The following RAB27B variants were observed in gnomAD, a reference collection of about 807,000 sequenced individuals.
RAB27B encodes the protein RAB27B, member RAS oncogene family.
Under a neutral mutation model 24.6 loss-of-function variants are expected in RAB27B, and 15 were observed. The ratio of observed to expected loss-of-function variants is 0.61; its 90% CI spans 0.41 to 0.94. RAB27B has a LOEUF of 0.94. Ranked by LOEUF, RAB27B falls within the 40% of genes least tolerant of loss-of-function variation. RAB27B has a pLI of 0.00. For missense variants in RAB27B, 261 were observed against 266.8 expected (o/e 0.98, Z 0.15); for synonymous variants, 105 against 92.5 (o/e 1.14, Z -0.78).
rs138977269 is a variant in RAB27B at position 54,744,875 on chromosome 18, G to C, written c.-20+26734G>C. ...GAACAGTACATCTGCAAAAGGAAAA[G>C]TGATGGCATCTGCATCCTAAATCTG... On this transcript the variant is annotated intron_variant, in intron 2 of 4. Coordinates refer to the RAB27B transcript ENST00000586570. The C allele has an allele frequency of 2.9e-4, 62 of 214,960 alleles. 1 individual carries two copies. Among genetic ancestry groups the C allele is most frequent in the African/African-American group, 1.2e-3 (51 of 43,418 alleles). 13.3% of individuals were successfully genotyped at this position (214,960 alleles called of 1,614,324 possible).
At chr18:54,764,855 T>C (rs1221184280) in intron 2 of RAB27B, among the ~76,000 whole-genome samples, 1 of 152,150 alleles carries the variant, frequency 6.6e-6, no homozygotes, top group Non-Finnish European at 1.5e-5. Flanking sequence ...ATGCTGTCTG[T>C]GGCATCTCAC....
intron 2 of RAB27B, among the ~76,000 whole-genome samples, chr18:54,777,783 C>A (rs533806021): frequency 1.9e-4 from 29 of 152,250 alleles, no homozygotes; most frequent in African/African-American, 6.7e-4. Flanking sequence ...TAATAAAAAA[C>A]AAGTTTCTTC....
At chr18:54,860,641 C>T (rs920282251) in intron 1 of RAB27B, among the ~76,000 whole-genome samples, 3 of 152,154 alleles carry the variant, frequency 2.0e-5, no homozygotes, top group African/African-American at 7.2e-5. Flanking sequence ...AATAAGTTAG[C>T]GGATGAAGAA....
At chr18:54,768,602 C>A (rs547218870) in intron 2 of RAB27B, among the ~76,000 whole-genome samples, 4 of 152,040 alleles carry the variant, frequency 2.6e-5, no homozygotes, top group Non-Finnish European at 4.4e-5. Flanking sequence ...GATTTATTAT[C>A]TTTTCTCACA....
At chr18:54,821,901 G>A (rs1157689740) in intron 2 of RAB27B, among the ~76,000 whole-genome samples, 1 of 152,116 alleles carries the variant, frequency 6.6e-6, no homozygotes, top group African/African-American at 2.4e-5. Context: ...TTACAGGCAT[G>A]GCCCCCATGC....
chr18:54,761,027 A>T (rs1211197152), intron 2 of RAB27B, among the ~76,000 whole-genome samples: 4 of 149,954 alleles, frequency 2.7e-5, no homozygotes, highest in African/African-American at 9.8e-5. Context: ...ATATCAAGAT[A>T]TTTGCTTGAG....
chr18:54,781,687 A>T (rs1021048189), intron 2 of RAB27B, among the ~76,000 whole-genome samples: 4 of 152,158 alleles, frequency 2.6e-5, no homozygotes, highest in Admixed American at 2.6e-4. Context: ...GTCCACAGGC[A>T]CCATGTTACT....
At chr18:54,850,897 G>A (rs1166688286) in intron 1 of RAB27B, among the ~76,000 whole-genome samples, 1 of 151,902 alleles carries the variant, frequency 6.6e-6, no homozygotes, top group Non-Finnish European at 1.5e-5. Flanking sequence ...GAAAAGGGCT[G>A]TGGATTTTGA....
chr18:54,859,323 C>T, intron 1 of RAB27B, among the ~76,000 whole-genome samples: 1 of 152,152 alleles, frequency 6.6e-6, no homozygotes, highest in East Asian at 1.9e-4. Context: ...GAGTAGTCAA[C>T]AGGATATGTT....
chr18:54,809,095 T>G (rs1346224467), intron 2 of RAB27B, among the ~76,000 whole-genome samples: 1 of 152,214 alleles, frequency 6.6e-6, no homozygotes, highest in Non-Finnish European at 1.5e-5. Flanking sequence ...CTTGAGCATT[T>G]TTCCAGTTTC....
At chr18:54,854,486 T>C (rs1433209462) in intron 1 of RAB27B, among the ~76,000 whole-genome samples, 3 of 152,238 alleles carry the variant, frequency 2.0e-5, no homozygotes, top group Admixed American at 1.3e-4. Context: ...TGCAAATCAA[T>C]GAAAGGCTTA....
chr18:54,884,516 C>T, intron 4 of RAB27B, 80 bp downstream of exon 4: 4 of 885,590 alleles, frequency 4.5e-6, no homozygotes, highest in Non-Finnish European at 7.4e-6. Flanking sequence ...CAAGATGAAA[C>T]CAGATTGGGT....
At chr18:54,873,215 C>G (rs1481103228) in intron 1 of RAB27B, among the ~76,000 whole-genome samples, 1 of 152,210 alleles carries the variant, frequency 6.6e-6, no homozygotes, top group African/African-American at 2.4e-5. Context: ...TACTTGAATT[C>G]CTTTTTACCT....
intron 2 of RAB27B, among the ~76,000 whole-genome samples, chr18:54,733,631 T>A (rs1211633698): frequency 1.4e-5 from 2 of 142,342 alleles, no homozygotes; most frequent in Non-Finnish European, 3.0e-5. Context: ...TAAATTTAGG[T>A]GAAATCTTCT....
rs545389512 is a variant in RAB27B, at chr18:54,762,472, C to T, written c.-20+44331C>T. Among the ~76,000 whole-genome samples the T allele has an allele frequency of 9.2e-5, 14 of 152,254 alleles. No individual in the cohort carries two copies. The East Asian group carries it at 2.3e-3, about 25-fold the overall frequency. ...GCAGCCCTGGGAAATGAATACACTC[C>T]CCCATAGTCTAACTTTATTTCCTCC... On this transcript the variant is annotated intron_variant, in intron 2 of 4. Coordinates refer to the RAB27B transcript ENST00000586570.
intron 2 of RAB27B, among the ~76,000 whole-genome samples, chr18:54,733,636 T>A (rs1257241231): frequency 6.9e-6 from 1 of 145,908 alleles, no homozygotes; most frequent in Non-Finnish European, 1.5e-5. Context: ...TTAGGTGAAA[T>A]CTTCTGTTCT....
chr18:54,722,162 AAAC>A (rs1406918218), intron 2 of RAB27B, among the ~76,000 whole-genome samples: 1 of 152,174 alleles, frequency 6.6e-6, no homozygotes, highest in Non-Finnish European at 1.5e-5. Flanking sequence ...TTCATCCAAC[AAAC>A]AAGTATTTGA....
At chr18:54,772,687 A>C (rs952839019) in intron 2 of RAB27B, among the ~76,000 whole-genome samples, 2 of 152,204 alleles carry the variant, frequency 1.3e-5, no homozygotes, top group African/African-American at 4.8e-5. Flanking sequence ...AAAACCCTTA[A>C]GATGTTATAT....
Position 54,782,559 on chromosome 18 carries a change from C to CTA in RAB27B, c.-20+64420_-20+64421dup, listed in dbSNP as rs370451626. Among the ~76,000 whole-genome samples the CTA allele has an allele frequency of 2.9e-3, 435 of 152,244 alleles. 6 individuals carry two copies. Among genetic ancestry groups the CTA allele is most frequent in the South Asian group, 0.028 (136 of 4,816 alleles). ...CAACAGTAAGGTATAACCTTATTGGCTATTCTGATATATTTGTGTCATTGA... is the reference window on the plus strand; with the variant it reads ...CAACAGTAAGGTATAACCTTATTGGCTATATTCTGATATATTTGTGTCATTGA... On this transcript the variant is annotated intron_variant, in intron 2 of 4. Coordinates refer to the RAB27B transcript ENST00000586570.
Sources: allele counts gnomAD v4.1 joint callset (sites outside exome capture counted in the v4.1 genomes callset), GRCh38; gene constraint gnomAD v4.1.1; transcripts MANE v1.5; gene names NCBI Gene and HGNC (gene_info 2026-07-23, HGNC 2026-07-21).